Variants in DRAXIN observed in about 807,000 individuals in gnomAD.
DRAXIN encodes dorsal inhibitory axon guidance protein.
In DRAXIN, 27 loss-of-function variants were observed where a neutral mutation model predicts 33.9. The ratio of observed to expected loss-of-function variants is 0.80; its 90% confidence interval spans 0.59 to 1.10. The LOEUF (loss-of-function observed/expected upper bound fraction) is 1.10. Among genes scored for constraint, DRAXIN ranks in the 50% least tolerant of loss-of-function variants. The probability of loss-of-function intolerance (pLI) is 0.00; values close to 1 mark genes in which losing one functional copy is unlikely to be tolerated. For synonymous variants in DRAXIN, 178 were observed against 194.0 expected, an observed-to-expected ratio of 0.92 and a Z score of 0.69; for missense variants, 371 against 460.8, an observed-to-expected ratio of 0.81 and a Z score of 1.78.
At chr1:11,712,608 A>T (rs531516309) in intron 5 of DRAXIN, among the ~76,000 whole-genome samples, 179 bp downstream of exon 5, 1 of 152,276 alleles carries the variant, frequency 6.6e-6, no homozygotes, top group East Asian at 1.9e-4. Context: ...CATTTCATAC[A>T]TTATTCACAG....
chr1:11,701,941 G>A (rs77849012), intron 1 of DRAXIN, among the ~76,000 whole-genome samples: 3,194 of 152,276 alleles, frequency 0.021, 107 homozygotes, highest in African/African-American at 0.073. Context: ...GCCAAGAGCT[G>A]TGTACAAATC....
chr1:11,706,596 T>C lies in DRAXIN; in HGVS notation c.338T>C (p.Leu113Pro). The change falls in exon 2 of 7, where the codon CTG becomes CCG. Residue 113 changes from leucine to proline, a missense_variant. By Grantham distance (98) the Leu-to-Pro change is moderately conservative. Coordinates refer to ENST00000294485, the MANE Select transcript of DRAXIN (RefSeq NM_198545.4). This position sits in a 1 kb window ranked among gnomAD's most constrained non-coding sequence, Gnocchi z 5.5. ...AGLLQDKDLL[L>P]GLALPYPEKE... ...CTGCTGCAGGACAAGGACCTGCTCC[T>C]GGGACTGGCATTGCCCTACCCCGAG... 6.2e-7 allele frequency: 1 copy of C among 1,606,082 alleles called. No individual in the cohort carries two copies. Among genetic ancestry groups the C allele is most frequent in the Non-Finnish European group, 8.5e-7 (1 of 1,179,450 alleles).
rs747131893 is a variant in DRAXIN, at chr1:11,709,491, A to G, written c.642+26A>G. The G allele has an allele frequency of 1.9e-6, 3 of 1,600,750 alleles. No individual in the cohort carries two copies. The East Asian group carries it at 6.7e-5, about 36-fold the overall frequency. On this transcript the variant is annotated intron_variant, in intron 3 of 6. Coordinates refer to ENST00000294485, the MANE Select transcript of DRAXIN (RefSeq NM_198545.4). ...GTAAGGGGTCCCCAAACAGCCTCGG[A>G]TCTGGAAGGGTCCTTGAGCCCATGT...
upstream of DRAXIN, among the ~76,000 whole-genome samples, chr1:11,686,940 C>T (rs981809896): frequency 1.1e-4 from 16 of 151,888 alleles, no homozygotes; most frequent in African/African-American, 1.9e-4. Context: ...CTCTCTAATT[C>T]GGAACATTTT....
Position 11,700,063 on chromosome 1 carries a change from C to A in DRAXIN, c.-10-6186C>A, listed in dbSNP as rs1192073617. Among the ~76,000 whole-genome samples, 3 of 152,090 alleles carry A rather than the reference C, an allele frequency of 2.0e-5. No individual in the cohort carries two copies. The East Asian group carries it at 5.8e-4, about 29-fold the overall frequency. On this transcript the variant is annotated intron_variant, in intron 1 of 6. Coordinates refer to ENST00000294485, the MANE Select transcript of DRAXIN (RefSeq NM_198545.4). ...ACCAGCCTGACCAACATGGTGAAAT[C>A]CTGTCTCTATTAAAAACACAAAAAT...
chr1:11,710,731 G>C (rs539415733), intron 3 of DRAXIN, among the ~76,000 whole-genome samples: 2 of 145,864 alleles, frequency 1.4e-5, no homozygotes, highest in Non-Finnish European at 3.0e-5. Context: ...TGGCTAACAT[G>C]GTGAAACCCC....
intron 6 of DRAXIN, among the ~76,000 whole-genome samples, 194 bp downstream of exon 6, chr1:11,715,402 C>A (rs939407298): frequency 6.6e-6 from 1 of 152,214 alleles, no homozygotes; most frequent in Non-Finnish European, 1.5e-5. Context: ...TTTATCAGTG[C>A]CTTCCCAATC....
At position 11,692,600 on chromosome 1, in the gene DRAXIN, T is replaced by C. The variant is rs1022430782; in HGVS notation, c.-11+747T>C. ...CTCAGCCGCCTTCGGGGCCGGGGTA[T>C]GAGATGAGAGAGGGCTGGGGTTTCC... On this transcript the variant is annotated intron_variant, in intron 1 of 6. Coordinates refer to ENST00000294485, the MANE Select transcript of DRAXIN (RefSeq NM_198545.4). The surrounding 1 kb of genome is among the most constrained non-coding windows in gnomAD (Gnocchi z 5.8). Among the ~76,000 whole-genome samples, 7 of 152,238 alleles carry C rather than the reference T, an allele frequency of 4.6e-5. No homozygotes were observed. Among genetic ancestry groups the C allele is most frequent in the African/African-American group, 1.7e-4 (7 of 41,548 alleles).
chr1:11,706,213 T>C lies in DRAXIN; in HGVS notation c.-10-36T>C, dbSNP rs1159808958. The C allele has an allele frequency of 2.0e-6, 3 of 1,490,086 alleles. No individual in the cohort carries two copies. The highest frequency in any genetic ancestry group is 2.8e-5 in the African/African-American group (2 of 71,618). 92.3% of individuals were successfully genotyped at this position (1,490,086 alleles called of 1,614,324 possible). On this transcript the variant is annotated intron_variant, in intron 1 of 6. Coordinates refer to ENST00000294485, the MANE Select transcript of DRAXIN (RefSeq NM_198545.4). The surrounding 1 kb of genome is among the most constrained non-coding windows in gnomAD (Gnocchi z 5.5). ...GAGTGAGGGGCAGCAGAGAGAGGCC[T>C]GGGGCTGCGCATTCATGGTGTTGCT...
intron 1 of DRAXIN, among the ~76,000 whole-genome samples, chr1:11,703,985 C>T (rs1368349634): frequency 6.6e-6 from 1 of 152,162 alleles, no homozygotes; most frequent in Non-Finnish European, 1.5e-5. Context: ...CCAAGACCAG[C>T]ACCTAGGCTG....
Position 11,722,291 on chromosome 1 carries a change from C to T in DRAXIN, c.*2595C>T, listed in dbSNP as rs910805041. 6.6e-6 allele frequency: 1 copy of T among 152,258 alleles called. No individual in the cohort carries two copies. The highest frequency in any genetic ancestry group is 2.4e-5 in the African/African-American group (1 of 41,438). 9.4% of individuals were successfully genotyped at this position (152,258 alleles called of 1,614,324 possible). On this transcript the variant is annotated 3_prime_UTR_variant, in exon 7 of 7. Coordinates refer to ENST00000294485, the MANE Select transcript of DRAXIN (RefSeq NM_198545.4). Reference sequence around the variant, plus strand: ...ACCGCCGGAAGAAAGCCCAGCATTACTATGGCTGGGGGACAGCTGTTAGAT... The same window carrying T: ...ACCGCCGGAAGAAAGCCCAGCATTATTATGGCTGGGGGACAGCTGTTAGAT...
At chr1:11,690,606 C>G (rs1056393051), upstream of DRAXIN, among the ~76,000 whole-genome samples, 1 of 152,198 alleles carries the variant, frequency 6.6e-6, no homozygotes, top group African/African-American at 2.4e-5. This position sits in a 1 kb window ranked among gnomAD's most constrained non-coding sequence, Gnocchi z 4.2. Context: ...ATTTGCCACA[C>G]GCTGGAGAAA....
At chr1:11,716,444 C>T (rs1321958459) in intron 6 of DRAXIN, among the ~76,000 whole-genome samples, 1 of 152,170 alleles carries the variant, frequency 6.6e-6, no homozygotes, top group Non-Finnish European at 1.5e-5. Flanking sequence ...TAATCAGTTC[C>T]ATCCAATATC....
Position 11,720,818 on chromosome 1 carries a change from G to C in DRAXIN, c.*1122G>C, listed in dbSNP as rs1641650155. 6.6e-6 allele frequency: 1 copy of C among 152,182 alleles called. No homozygotes were observed. Among genetic ancestry groups the C allele is most frequent in the South Asian group, 2.1e-4 (1 of 4,832 alleles). 9.4% of individuals were successfully genotyped at this position (152,182 alleles called of 1,614,324 possible). A position where few individuals can be genotyped will look rare whatever the true frequency, so the allele number is the denominator to read the frequency against. ...CCAGATTCTCTAAGGCTTTTGGCAA[G>C]AGAGGCTCACACCCTGGTATTCCCT... On this transcript the variant is annotated 3_prime_UTR_variant, in exon 7 of 7. Coordinates refer to ENST00000294485, the MANE Select transcript of DRAXIN (RefSeq NM_198545.4).
At position 11,694,246 on chromosome 1, in the gene DRAXIN, A is replaced by G. The variant is rs147440925; in HGVS notation, c.-11+2393A>G. Among the ~76,000 whole-genome samples, 724 of 152,032 alleles carry G rather than the reference A, an allele frequency of 4.8e-3. 5 individuals are homozygous for G. Among genetic ancestry groups the G allele is most frequent in the African/African-American group, 0.016 (647 of 41,446 alleles). ...GCTCTGTGCACACCTGTTATATTGA[A>G]TGTGATTCCTGGTCAAAGGCACAGG... On this transcript the variant is annotated intron_variant, in intron 1 of 6. Coordinates refer to ENST00000294485, the MANE Select transcript of DRAXIN (RefSeq NM_198545.4). The surrounding 1 kb of genome is among the most constrained non-coding windows in gnomAD (Gnocchi z 4.9).
chr1:11,720,613 A>AAAAAAAAAAG lies in DRAXIN; in HGVS notation c.*917_*918insAAAAAAAAAG, dbSNP rs1553171600. On this transcript the variant is annotated 3_prime_UTR_variant, in exon 7 of 7. Transcript: ENST00000294485. ...CATCTCAAAAAAAAAAAAAAAAAAA[A>AAAAAAAAAAG]GCACATCTGACTCAGTGGGCTCTGT... 3.6e-5 allele frequency: 5 copies of AAAAAAAAAAG among 137,010 alleles called. 2 individuals carry two copies. Among genetic ancestry groups the AAAAAAAAAAG allele is most frequent in the Non-Finnish European group, 3.1e-5 (2 of 64,406 alleles). 8.5% of individuals were successfully genotyped at this position (137,010 alleles called of 1,614,324 possible).
Position 11,723,840 on chromosome 1 carries a change from G to C in DRAXIN, c.*4144G>C, listed in dbSNP as rs986646427. On this transcript the variant is annotated 3_prime_UTR_variant, in exon 7 of 7. Transcript: ENST00000294485. The stretch of plus-strand genomic sequence containing the variant: ...ACTCCTGACCTCAGGTGATCCCCCC[G>C]TCTCAGCCTCCCAAAGTGCTGGGAT... The C allele has an allele frequency of 6.6e-6, 1 of 152,138 alleles. No individual in the cohort carries two copies. Among genetic ancestry groups the C allele is most frequent in the African/African-American group, 2.4e-5 (1 of 41,412 alleles). 9.4% of individuals were successfully genotyped at this position (152,138 alleles called of 1,614,324 possible). A position where few individuals can be genotyped will look rare whatever the true frequency, so the allele number is the denominator to read the frequency against.
intron 6 of DRAXIN, among the ~76,000 whole-genome samples, chr1:11,716,695 C>T (rs1277330462): frequency 6.6e-6 from 1 of 151,964 alleles, no homozygotes; most frequent in Admixed American, 6.6e-5. Context: ...TTTTTTGAGA[C>T]AGGGTTTCAC....
At chr1:11,716,084 G>A (rs1236371562) in intron 6 of DRAXIN, among the ~76,000 whole-genome samples, 1 of 152,198 alleles carries the variant, frequency 6.6e-6, no homozygotes, top group Non-Finnish European at 1.5e-5. Flanking sequence ...CCCTAGGCTG[G>A]TTTCAAACTC....
Sources: allele counts gnomAD v4.1 joint callset (sites outside exome capture counted in the v4.1 genomes callset), GRCh38; gene constraint gnomAD v4.1.1; non-coding constraint Gnocchi (gnomAD v3.1); transcripts MANE v1.5; gene names NCBI Gene and HGNC (gene_info 2026-07-23, HGNC 2026-07-21).